Variants in PDE4D observed in about 807,000 individuals in gnomAD.
The protein encoded by PDE4D is 3',5'-cyclic-AMP phosphodiesterase 4D.
PDE4D carries 24 observed loss-of-function variants against 87.4 expected under a neutral mutation model. That is an observed-to-expected ratio of 0.27 (90% confidence interval 0.20 to 0.39). The LOEUF (loss-of-function observed/expected upper bound fraction) is 0.39, where lower values mean the gene tolerates loss of function less well. Among genes scored for constraint, PDE4D ranks in the 10% least tolerant of loss-of-function variants. The probability of loss-of-function intolerance (pLI) is 1.00; values close to 1 mark genes in which losing one functional copy is unlikely to be tolerated. For synonymous variants in PDE4D, 384 were observed against 383.2 expected (o/e 1.00, Z -0.02); for missense variants, 714 against 1,041.0 (o/e 0.69, Z 4.32).
chr5:59,619,214 T>C (rs1392484356), intron 1 of PDE4D, among the ~76,000 whole-genome samples: 4 of 150,910 alleles, frequency 2.7e-5, no homozygotes, highest in African/African-American at 9.8e-5. Flanking sequence ...CAGACTGAAA[T>C]ATGGGGGAGG....
At chr5:59,317,582 C>G (rs1773986261) in intron 1 of PDE4D, among the ~76,000 whole-genome samples, 1 of 152,076 alleles carries the variant, frequency 6.6e-6, no homozygotes, top group African/African-American at 2.4e-5. Context: ...CAGATTACGT[C>G]TGACTGAATC....
At chr5:60,464,945 T>C (rs1372352047) in intron 1 of PDE4D, among the ~76,000 whole-genome samples, 2 of 151,934 alleles carry the variant, frequency 1.3e-5, no homozygotes, top group South Asian at 2.1e-4. Context: ...CTATAAACTT[T>C]TTTTTGTTTT....
chr5:59,717,441 T>A (rs1755195172), intron 1 of PDE4D, among the ~76,000 whole-genome samples: 1 of 152,178 alleles, frequency 6.6e-6, no homozygotes, highest in Non-Finnish European at 1.5e-5. Context: ...TAAATACTGT[T>A]TGTAAAGAAT....
chr5:59,846,462 C>T (rs1324258521), intron 1 of PDE4D, among the ~76,000 whole-genome samples: 1 of 152,066 alleles, frequency 6.6e-6, no homozygotes, highest in Non-Finnish European at 1.5e-5. Context: ...GAAATTCTGA[C>T]TCCTTAGGTT....
chr5:59,456,459 ATTAAACCTCTTTT>A (rs1799946866), intron 1 of PDE4D, among the ~76,000 whole-genome samples: 1 of 152,158 alleles, frequency 6.6e-6, no homozygotes, highest in South Asian at 2.1e-4. Context: ...AGCTGAGTCC[ATTAAACCTCTTTT>A]TCTTCCCAGT....
chr5:59,086,510 G>C (rs1363882), intron 5 of PDE4D, among the ~76,000 whole-genome samples: 100,157 of 151,832 alleles, frequency 0.66, 33,179 homozygotes, highest in East Asian at 0.82. Context: ...CTATATTTTT[G>C]TTTTTTTAGT....
chr5:60,433,359 A>G (rs1744508735), intron 1 of PDE4D, among the ~76,000 whole-genome samples: 1 of 152,220 alleles, frequency 6.6e-6, no homozygotes, highest in Non-Finnish European at 1.5e-5. Context: ...TGCAAATCAA[A>G]ACCACAATGA....
intron 3 of PDE4D, among the ~76,000 whole-genome samples, chr5:59,958,176 T>C (rs190001912): frequency 5.9e-5 from 9 of 152,280 alleles, no homozygotes; most frequent in East Asian, 1.9e-4. Flanking sequence ...GAATATAATA[T>C]ACAGTTTAAC....
intron 2 of PDE4D, among the ~76,000 whole-genome samples, chr5:60,083,985 T>A (rs1774258546): frequency 1.3e-5 from 2 of 152,224 alleles, no homozygotes; most frequent in African/African-American, 4.8e-5. Flanking sequence ...GCCAGTTTTC[T>A]TCATTGTAAA....
At position 59,872,952 on chromosome 5, in the gene PDE4D, A is replaced by T. The variant is rs530581281; in HGVS notation, c.455+20216T>A. ...CTTAGATACAACGAAACAATTAGAG[A>T]CTGCATGTCTTCATCTCTGAATGTG... On this transcript the variant is annotated intron_variant, in intron 1 of 14. Transcript: ENST00000340635. Among the ~76,000 whole-genome samples the T allele has an allele frequency of 4.6e-5, 7 of 152,256 alleles. No individual in the cohort carries two copies. In the South Asian group the frequency reaches 1.4e-3, roughly 32 times the overall value.
intron 1 of PDE4D, among the ~76,000 whole-genome samples, chr5:60,428,052 G>C (rs1403323970): frequency 3.3e-5 from 5 of 151,990 alleles, no homozygotes; most frequent in Non-Finnish European, 1.5e-5. Context: ...CTCCAGCCTG[G>C]GTGAGAGCAA....
intron 2 of PDE4D, among the ~76,000 whole-genome samples, chr5:59,999,561 C>T (rs978935995): frequency 2.0e-5 from 3 of 147,304 alleles, no homozygotes; most frequent in Middle Eastern, 3.5e-3. Flanking sequence ...ACTGGAGAGG[C>T]TCCCAAAATC....
intron 1 of PDE4D, among the ~76,000 whole-genome samples, chr5:59,696,944 T>A (rs1751873796): frequency 1.3e-5 from 2 of 152,114 alleles, no homozygotes; most frequent in African/African-American, 4.8e-5. Context: ...ACATCAATAG[T>A]TACAATCACT....
chr5:59,745,621 G>C (rs780229208), intron 1 of PDE4D, among the ~76,000 whole-genome samples: 1 of 152,096 alleles, frequency 6.6e-6, no homozygotes, highest in Non-Finnish European at 1.5e-5. Flanking sequence ...CAAAGCCCTG[G>C]CTCTGTGAGA....
At chr5:59,586,107 T>C (rs1825076932) in intron 1 of PDE4D, among the ~76,000 whole-genome samples, 1 of 152,362 alleles carries the variant, frequency 6.6e-6, no homozygotes, top group African/African-American at 2.4e-5. Context: ...ATTTAAATGT[T>C]CTCAAGTCCT....
chr5:59,436,320 A>G (rs944675067), intron 1 of PDE4D, among the ~76,000 whole-genome samples: 6 of 152,186 alleles, frequency 3.9e-5, no homozygotes, highest in Non-Finnish European at 8.8e-5. Flanking sequence ...ATGCCCAACT[A>G]CTTAAAATAA....
At position 59,006,426 on chromosome 5, in the gene PDE4D, T is replaced by A. The variant is rs186555784; in HGVS notation, c.922-12961A>T. On this transcript the variant is annotated intron_variant, in intron 6 of 14. Coordinates refer to ENST00000340635, the MANE Select transcript of PDE4D (RefSeq NM_001104631.2). ...ACAAAAAATTTAAAAATTAGCCAGG[T>A]GTGGTGGCATGTGCTTGTAGTTCCA... Among the ~76,000 whole-genome samples, 47 of 151,914 alleles carry A rather than the reference T, an allele frequency of 3.1e-4. No individual in the cohort carries two copies. The East Asian group carries it at 8.4e-3, about 27-fold the overall frequency.
At chr5:59,487,512 G>C (rs993821390) in intron 1 of PDE4D, among the ~76,000 whole-genome samples, 1 of 152,036 alleles carries the variant, frequency 6.6e-6, no homozygotes, top group African/African-American at 2.4e-5. Flanking sequence ...CTTCCTCATG[G>C]GTCAGACGAT....
At chr5:60,169,213 T>A (rs1783194724) in intron 2 of PDE4D, among the ~76,000 whole-genome samples, 1 of 152,042 alleles carries the variant, frequency 6.6e-6, no homozygotes, top group Admixed American at 6.6e-5. Context: ...AGAAAAACCA[T>A]AAGAATGTTC....
Sources: gnomAD v4.1 joint callset for allele counts (sites outside exome capture counted in the v4.1 genomes callset) on GRCh38, gnomAD v4.1.1 for gene constraint, MANE v1.5 for transcripts, NCBI Gene and HGNC (gene_info 2026-07-23, HGNC 2026-07-21) for gene names.